Variants in RBFOX1 observed in about 807,000 individuals in gnomAD.
The protein encoded by RBFOX1 is RNA binding fox-1 homolog 1.
Under a neutral mutation model 57.7 loss-of-function variants are expected in RBFOX1, and 8 were observed. The observed-to-expected ratio is 0.14, with a 90% CI of 0.08 to 0.25. RBFOX1 has a LOEUF of 0.25. RBFOX1 is among the 10% of genes least tolerant of loss of function. RBFOX1 has a pLI of 1.00. For synonymous variants in RBFOX1, 326 were observed against 222.4 expected (o/e 1.47, Z -4.15); for missense variants, 611 against 548.5 (o/e 1.11, Z -1.14).
chr16:7,703,815 T>A (rs1402693457), intron 14 of RBFOX1, among the ~76,000 whole-genome samples: 1 of 152,218 alleles, frequency 6.6e-6, no homozygotes, highest in Non-Finnish European at 1.5e-5. Context: ...TTGAACTACA[T>A]CTGTAACTCA....
chr16:5,848,558 C>T (rs893092426), intron 3 of RBFOX1, among the ~76,000 whole-genome samples: 1 of 152,134 alleles, frequency 6.6e-6, no homozygotes, highest in Non-Finnish European at 1.5e-5. Flanking sequence ...CACAATCATC[C>T]TAATTGTAAC....
chr16:7,426,365 G>C (rs940166153), intron 4 of RBFOX1, among the ~76,000 whole-genome samples: 4 of 152,174 alleles, frequency 2.6e-5, no homozygotes, highest in Non-Finnish European at 5.9e-5. Context: ...TTAACACCCA[G>C]CTCTGGGGGC....
chr16:5,946,097 G>A lies in RBFOX1; in HGVS notation c.351+78762G>A, dbSNP rs1567176707. 3.9e-5 allele frequency among the ~76,000 whole-genome samples: 6 copies of A among 152,274 alleles called. No individual in the cohort carries two copies. The South Asian group carries it at 6.2e-4, about 16-fold the overall frequency. Reference sequence around the variant, plus strand: ...TTTTAATTAGTGGACTGACTTACCCGCTATTCTTGTCTTTTTAAAAAAGAT... The same window carrying A: ...TTTTAATTAGTGGACTGACTTACCCACTATTCTTGTCTTTTTAAAAAAGAT... On this transcript the variant is annotated intron_variant, in intron 4 of 19. Transcript: ENST00000641259. This position sits in a 1 kb window ranked among gnomAD's most constrained non-coding sequence, Gnocchi z 4.6.
chr16:6,966,949 A>G lies in RBFOX1; in HGVS notation c.-15-85108A>G, dbSNP rs533996517. On this transcript the variant is annotated intron_variant, in intron 3 of 15. Coordinates refer to ENST00000550418, the MANE Select transcript of RBFOX1 (RefSeq NM_018723.4). ...CATCCATCCATCCATTGGCCTACCT[A>G]TTATCTATTTGCCTATATAGACATT... 8.2e-4 allele frequency among the ~76,000 whole-genome samples: 124 copies of G among 150,764 alleles called. 1 individual carries two copies. The highest frequency in any genetic ancestry group is 2.7e-3 in the African/African-American group (112 of 40,850).
intron 4 of RBFOX1, among the ~76,000 whole-genome samples, chr16:7,400,999 G>A (rs2098233070): frequency 6.6e-6 from 1 of 152,174 alleles, no homozygotes; most frequent in Non-Finnish European, 1.5e-5. Flanking sequence ...ATGAAACTCA[G>A]GAATGTGAAG....
chr16:7,177,760 C>T (rs773982536), intron 4 of RBFOX1, among the ~76,000 whole-genome samples: 14 of 152,270 alleles, frequency 9.2e-5, no homozygotes, highest in Middle Eastern at 3.4e-3. Context: ...TTTTGGTCTC[C>T]GCTGCAACTC....
intron 11 of RBFOX1, among the ~76,000 whole-genome samples, chr16:7,643,388 T>C (rs1397600208): frequency 2.0e-5 from 3 of 152,244 alleles, no homozygotes. Context: ...TGTAATGTGA[T>C]ATTTGATAAC....
chr16:5,558,467 C>T (rs528013586), intron 2 of RBFOX1, among the ~76,000 whole-genome samples: 38 of 152,204 alleles, frequency 2.5e-4, no homozygotes, highest in African/African-American at 7.9e-4. Context: ...CACATCCTGC[C>T]AGGGGGATAT....
chr16:7,518,257 C>T lies in RBFOX1; in HGVS notation c.138C>T (p.Pro46=), dbSNP rs1315127050. 3.3e-5 allele frequency: 53 copies of T among 1,614,012 alleles called. No individual in the cohort carries two copies. The highest frequency in any genetic ancestry group is 4.2e-5 in the Non-Finnish European group (50 of 1,180,006). ...GIPAEYTAPH[P]HPAPEYTGQT... ...CCGCGGAATACACGGCCCCTCATCC[C>T]CACCCCGCGCCAGAGTACACAGGCC... The change falls in exon 5 of 16, where the codon CCC becomes CCT. Residue 46 remains proline (P), a synonymous_variant. Coordinates refer to ENST00000550418, the MANE Select transcript of RBFOX1 (RefSeq NM_018723.4).
intron 3 of RBFOX1, among the ~76,000 whole-genome samples, chr16:6,910,318 A>C (rs367947362): frequency 6.6e-6 from 1 of 151,948 alleles, no homozygotes; most frequent in African/African-American, 2.4e-5. Context: ...TTTAGGGGCA[A>C]AGAAAGTGAG....
intron 1 of RBFOX1, among the ~76,000 whole-genome samples, chr16:5,338,484 G>A (rs969198103): frequency 2.6e-5 from 4 of 152,208 alleles, no homozygotes; most frequent in East Asian, 1.9e-4. Flanking sequence ...AACTAGGGCC[G>A]TCTGAAGACC....
intron 2 of RBFOX1, among the ~76,000 whole-genome samples, chr16:6,387,250 G>C (rs1011039927): frequency 2.0e-5 from 3 of 152,086 alleles, no homozygotes; most frequent in African/African-American, 7.2e-5. Context: ...CCTCCTGTAA[G>C]CATCCGTAGC....
At chr16:6,948,205 G>C (rs1432606639) in intron 3 of RBFOX1, among the ~76,000 whole-genome samples, 2 of 152,018 alleles carry the variant, frequency 1.3e-5, no homozygotes, top group Non-Finnish European at 2.9e-5. Flanking sequence ...GCTGAGGTGA[G>C]AGGATGGCTT....
chr16:5,795,340 G>T (rs1331060333), intron 3 of RBFOX1, among the ~76,000 whole-genome samples: 2 of 150,148 alleles, frequency 1.3e-5, no homozygotes, highest in African/African-American at 4.9e-5. Flanking sequence ...GTCTTACTCT[G>T]TTACCCTGGC....
chr16:6,784,224 C>T (rs185779725), intron 3 of RBFOX1, among the ~76,000 whole-genome samples: 23 of 152,146 alleles, frequency 1.5e-4, no homozygotes, highest in African/African-American at 4.8e-4. Context: ...TCTTTCTCTA[C>T]TTCTTCTTCA....
intron 4 of RBFOX1, among the ~76,000 whole-genome samples, chr16:5,871,854 T>C (rs559382740): frequency 1.6e-4 from 25 of 152,268 alleles, no homozygotes; most frequent in Non-Finnish European, 3.5e-4. Flanking sequence ...ATTGGCCTGC[T>C]TTTATTTCAT....
intron 4 of RBFOX1, among the ~76,000 whole-genome samples, chr16:7,198,927 G>A (rs556757393): frequency 2.6e-5 from 4 of 152,290 alleles, no homozygotes; most frequent in East Asian, 1.9e-4. Flanking sequence ...AGTTTGCTCA[G>A]TATGAACCAT....
intron 1 of RBFOX1, among the ~76,000 whole-genome samples, chr16:5,261,538 C>T (rs4786017): frequency 0.81 from 119,830 of 147,944 alleles, 48,805 homozygotes; most frequent in East Asian, 0.94. Context: ...TGACATTTCA[C>T]TGTGTGTATG....
chr16:5,543,431 A>G (rs1269177213), intron 2 of RBFOX1, among the ~76,000 whole-genome samples: 1 of 152,228 alleles, frequency 6.6e-6, no homozygotes, highest in African/African-American at 2.4e-5. Context: ...GACATTGCCC[A>G]TACACAAAAA....
Sources: allele counts gnomAD v4.1 joint callset (sites outside exome capture counted in the v4.1 genomes callset), GRCh38; gene constraint gnomAD v4.1.1; non-coding constraint Gnocchi (gnomAD v3.1); transcripts MANE v1.5; gene names NCBI Gene and HGNC (gene_info 2026-07-23, HGNC 2026-07-21).